Variants in GABRB1 observed in about 807,000 individuals in gnomAD.
GABRB1 encodes the protein gamma-aminobutyric acid receptor subunit beta-1.
A neutral mutation model predicts 51.6 loss-of-function variants in GABRB1; 17 were observed. That is an observed-to-expected ratio of 0.33 (90% CI 0.23 to 0.49). The LOEUF is 0.49. GABRB1 is among the 20% of genes least tolerant of loss of function. The probability of loss-of-function intolerance (pLI) is 0.99; values close to 1 mark genes in which losing one functional copy is unlikely to be tolerated. For synonymous variants in GABRB1, 247 were observed against 218.9 expected (o/e 1.13, Z -1.14); for missense variants, 410 against 600.6 (o/e 0.68, Z 3.32).
rs577995974 is a variant in GABRB1 at position 47,032,610 on chromosome 4, C to T, written c.240+126C>T. The stretch of plus-strand genomic sequence containing the variant: ...GGCCCCTGAGGTCCCACTCCGCACC[C>T]GCTCCCCGCTCCGGCACACACACCC... On this transcript the variant is annotated intron_variant, in intron 3 of 8. Transcript: ENST00000295454. The T allele has an allele frequency of 7.2e-6, 6 of 828,538 alleles. No individual in the cohort carries two copies. In the Admixed American group the frequency reaches 1.1e-4, roughly 15 times the overall value. The allele number at this position is 828,538 out of a possible 1,614,324, so 51.3% of individuals were successfully genotyped here.
At chr4:47,412,550 T>A (rs561831543) in intron 8 of GABRB1, among the ~76,000 whole-genome samples, 5 of 152,202 alleles carry the variant, frequency 3.3e-5, no homozygotes, top group Non-Finnish European at 2.9e-5. Flanking sequence ...TAGCATTACA[T>A]GTAATCTTTA....
intron 5 of GABRB1, among the ~76,000 whole-genome samples, chr4:47,357,741 C>T (rs1726640679): frequency 6.6e-6 from 1 of 152,116 alleles, no homozygotes; most frequent in Non-Finnish European, 1.5e-5. Context: ...ATTCCTGAGA[C>T]CAGTTCTACA....
chr4:47,396,518 C>A (rs1560367581), intron 5 of GABRB1, among the ~76,000 whole-genome samples: 1 of 152,098 alleles, frequency 6.6e-6, no homozygotes, highest in Non-Finnish European at 1.5e-5. Flanking sequence ...GCAATTCACA[C>A]AAATTTCTAG....
At chr4:47,154,259 T>TTG (rs1560561407) in intron 3 of GABRB1, among the ~76,000 whole-genome samples, 1 of 150,590 alleles carries the variant, frequency 6.6e-6, no homozygotes. Context: ...TTATGGTTGT[T>TTG]TTTTTTTTTT....
chr4:47,294,986 C>G (rs1011056642), intron 4 of GABRB1, among the ~76,000 whole-genome samples: 3 of 152,178 alleles, frequency 2.0e-5, no homozygotes, highest in Non-Finnish European at 4.4e-5. Flanking sequence ...CTGCTGATAC[C>G]CAGGCAAACA....
At chr4:47,024,665 C>A (rs1260288903) in intron 1 of GABRB1, among the ~76,000 whole-genome samples, 1 of 151,082 alleles carries the variant, frequency 6.6e-6, no homozygotes, top group Non-Finnish European at 1.5e-5. Context: ...TTTGGTGCAC[C>A]CATCACCCGA....
At chr4:47,272,497 A>G (rs1185113277) in intron 4 of GABRB1, among the ~76,000 whole-genome samples, 1 of 152,130 alleles carries the variant, frequency 6.6e-6, no homozygotes, top group Non-Finnish European at 1.5e-5. Flanking sequence ...TAACATTATT[A>G]TTTGTTATAC....
chr4:47,329,994 G>A (rs1368638963), intron 5 of GABRB1, among the ~76,000 whole-genome samples: 2 of 152,070 alleles, frequency 1.3e-5, no homozygotes, highest in Non-Finnish European at 2.9e-5. Flanking sequence ...CAGTCCAAAG[G>A]CTTGAGAACC....
chr4:47,292,642 G>A (rs187630767), intron 4 of GABRB1, among the ~76,000 whole-genome samples: 55 of 152,296 alleles, frequency 3.6e-4, no homozygotes, highest in African/African-American at 1.2e-3. Flanking sequence ...TTTGCTTTGG[G>A]GCTGTGGTAA....
At chr4:47,401,557 A>G (rs1201884651) in intron 5 of GABRB1, among the ~76,000 whole-genome samples, 1 of 152,196 alleles carries the variant, frequency 6.6e-6, no homozygotes, top group African/African-American at 2.4e-5. Context: ...TGAGGGGGGA[A>G]AGAAAATCCC....
At chr4:47,103,010 C>G (rs6849317) in intron 3 of GABRB1, among the ~76,000 whole-genome samples, 2 of 151,670 alleles carry the variant, frequency 1.3e-5, no homozygotes, top group Admixed American at 1.3e-4. Flanking sequence ...CCTATGTGGA[C>G]AGCTGGATGA....
intron 3 of GABRB1, among the ~76,000 whole-genome samples, chr4:47,124,917 G>C (rs1038379731): frequency 1.3e-5 from 2 of 152,112 alleles, no homozygotes; most frequent in Non-Finnish European, 1.5e-5. Context: ...AAAATAAAGA[G>C]AGAAAGTTGC....
intron 4 of GABRB1, among the ~76,000 whole-genome samples, chr4:47,257,329 T>C (rs1722251046): frequency 6.6e-6 from 1 of 152,180 alleles, no homozygotes; most frequent in South Asian, 2.1e-4. Context: ...CTCTCCCTCA[T>C]AGGCTCCTTA....
chr4:47,053,592 A>G (rs1726456372), intron 3 of GABRB1, among the ~76,000 whole-genome samples: 1 of 152,200 alleles, frequency 6.6e-6, no homozygotes, highest in African/African-American at 2.4e-5. Flanking sequence ...ACATTCAGCT[A>G]TAGCAGTCTT....
chr4:47,036,868 AAG>A (rs1368205058), intron 3 of GABRB1, among the ~76,000 whole-genome samples: 4 of 151,802 alleles, frequency 2.6e-5, no homozygotes, highest in African/African-American at 9.7e-5. Flanking sequence ...CTTAAAAAAA[AAG>A]AAAAAAAGAA....
chr4:47,067,296 A>C (rs1727129906), intron 3 of GABRB1, among the ~76,000 whole-genome samples: 1 of 152,216 alleles, frequency 6.6e-6, no homozygotes. Context: ...AATGGTAAAT[A>C]AGCATTGGCT....
rs186857055 is a variant in GABRB1, at chr4:47,144,026, T to C, written c.241-17223T>C. Among the ~76,000 whole-genome samples the C allele has an allele frequency of 8.0e-4, 121 of 152,080 alleles. 1 individual carries two copies. The highest frequency in any genetic ancestry group is 1.4e-3 in the Non-Finnish European group (93 of 67,914). On this transcript the variant is annotated intron_variant, in intron 3 of 8. Coordinates refer to ENST00000295454, the MANE Select transcript of GABRB1 (RefSeq NM_000812.4). The stretch of plus-strand genomic sequence containing the variant: ...TTTCATTGATGGTATTTGATATGTA[T>C]TTGTTGTTTCTCCTTAACCACACTA...
intron 3 of GABRB1, among the ~76,000 whole-genome samples, chr4:47,080,137 A>G (rs1727763609): frequency 6.6e-6 from 1 of 152,148 alleles, no homozygotes; most frequent in Admixed American, 6.6e-5. Context: ...TATCTCTAAT[A>G]TCAATCCAGA....
rs972067354 is a variant in GABRB1 at position 47,149,933 on chromosome 4, C to T, written c.241-11316C>T. Reference sequence around the variant, plus strand: ...AGTTAGAACAGATGCTCAATGAGTTCGAGCCACTGGAGATGGTCAATATGG... The same window carrying T: ...AGTTAGAACAGATGCTCAATGAGTTTGAGCCACTGGAGATGGTCAATATGG... On this transcript the variant is annotated intron_variant, in intron 3 of 8. Transcript: ENST00000295454. 4.6e-5 allele frequency among the ~76,000 whole-genome samples: 7 copies of T among 151,828 alleles called. No homozygotes were observed. The South Asian group carries it at 8.3e-4, about 18-fold the overall frequency.
Sources: gnomAD v4.1 joint callset for allele counts (sites outside exome capture counted in the v4.1 genomes callset) on GRCh38, gnomAD v4.1.1 for gene constraint, MANE v1.5 for transcripts, NCBI Gene and HGNC (gene_info 2026-07-23, HGNC 2026-07-21) for gene names.